The following NME8 variants were observed in gnomAD, a reference collection of about 807,000 sequenced individuals.
NME8 encodes the protein protein NME8.
NME8 carries 72 observed loss-of-function variants against 82.3 expected under a neutral mutation model. The observed-to-expected ratio is 0.87, with a 90% CI of 0.72 to 1.06. NME8 has a LOEUF of 1.06. NME8 is among the 50% of genes least tolerant of loss of function. NME8 has a pLI of 0.00. For missense variants in NME8, 712 were observed against 685.4 expected (o/e 1.04, Z -0.43); for synonymous variants, 267 against 228.5 (o/e 1.17, Z -1.52).
rs1530822 is a variant in NME8 at position 37,885,135 on chromosome 7, T to G, written c.1140-10T>G. 769,778 of 1,576,702 alleles carry G rather than the reference T, an allele frequency of 0.49. 192,122 individuals carry two copies. Among genetic ancestry groups the G allele is most frequent in the East Asian group, 0.74 (32,754 of 44,558 alleles). Reference sequence around the variant, plus strand: ...TCTTATTACCTCTTCTTTGTTTTCTTTTCTAATAGTGGTCCATCTCTAGCC... The same window carrying G: ...TCTTATTACCTCTTCTTTGTTTTCTGTTCTAATAGTGGTCCATCTCTAGCC... On this transcript the variant is annotated splice_polypyrimidine_tract_variant and intron_variant, in intron 13 of 17. Transcript: ENST00000199447.
intron 5 of NME8, among the ~76,000 whole-genome samples, chr7:37,854,200 C>A (rs1784477593): frequency 6.6e-6 from 1 of 152,092 alleles, no homozygotes; most frequent in East Asian, 1.9e-4. Flanking sequence ...ATACTATATT[C>A]TTGCAATAAA....
At chr7:37,872,407 AG>A (rs764181956) in intron 11 of NME8, among the ~76,000 whole-genome samples, 79 of 152,328 alleles carry the variant, frequency 5.2e-4, no homozygotes, top group Non-Finnish European at 1.0e-3. Context: ...TGGCAGCCAG[AG>A]AAAGGAAGGC....
At chr7:37,871,565 T>C (rs905063040) in intron 11 of NME8, among the ~76,000 whole-genome samples, 6 of 152,164 alleles carry the variant, frequency 3.9e-5, no homozygotes, top group African/African-American at 1.4e-4. Context: ...TATGTGTTGA[T>C]TCATTCATCT....
chr7:37,882,977 C>T (rs931813214), intron 12 of NME8, among the ~76,000 whole-genome samples: 3 of 152,122 alleles, frequency 2.0e-5, no homozygotes, highest in African/African-American at 7.2e-5. Flanking sequence ...AATATTTTTT[C>T]AATTTATCCG....
intron 14 of NME8, 34 bp from the exon 15 acceptor site, chr7:37,888,243 C>G: frequency 6.2e-7 from 1 of 1,606,644 alleles, no homozygotes. Context: ...CTGTTCTGTT[C>G]TAATAGCTTT....
At chr7:37,870,785 A>T (rs1309704810) in intron 11 of NME8, among the ~76,000 whole-genome samples, 1 of 151,830 alleles carries the variant, frequency 6.6e-6, no homozygotes, top group African/African-American at 2.4e-5. Context: ...TTCTCCAACT[A>T]ATATACTTTT....
At chr7:37,871,059 C>G (rs1356379540) in intron 11 of NME8, among the ~76,000 whole-genome samples, 1 of 152,214 alleles carries the variant, frequency 6.6e-6, no homozygotes, top group Non-Finnish European at 1.5e-5. Context: ...AGCCTGCTCA[C>G]TCTCCTCTCT....
chr7:37,891,918 A>G (rs1256938084), intron 15 of NME8, among the ~76,000 whole-genome samples: 1 of 150,938 alleles, frequency 6.6e-6, no homozygotes, highest in African/African-American at 2.4e-5. Context: ...CTACTTTCTT[A>G]TTTCTTGAGC....
chr7:37,885,307 CT>C (rs1319379961), intron 14 of NME8, 55 bp downstream of exon 14: 3 of 1,060,370 alleles, frequency 2.8e-6, no homozygotes, highest in African/African-American at 1.6e-5. Flanking sequence ...TTTTAAACAC[CT>C]TTTTAGATGT....
intron 16 of NME8, among the ~76,000 whole-genome samples, chr7:37,894,819 CCTTT>C (rs1365082141): frequency 1.3e-5 from 2 of 151,924 alleles, no homozygotes; most frequent in Non-Finnish European, 2.9e-5. Flanking sequence ...CTCCTCGCTC[CCTTT>C]CTTTCATTCT....
At position 37,867,878 on chromosome 7, in the gene NME8, G is replaced by T. The variant is rs1452505551; in HGVS notation, c.798G>T (p.Met266Ile). The change falls in exon 11 of 18, where the codon ATG (methionine) becomes ATT (isoleucine). Residue 266 changes from methionine (M) to isoleucine (I), a missense_variant. Physicochemically the swap from Met to Ile is conservative, Grantham distance 10 (BLOSUM62 1). Transcript: ENST00000199447. ...PEVEAQVTPG[M>I]MKNKQDSLQE... ...TCGAAGCCCAGGTTACACCTGGAAT[G>T]ATGAAGAACAAACAAGACAGGTATA... 6.2e-7 allele frequency: 1 copy of T among 1,613,566 alleles called. No individual in the cohort carries two copies. Among genetic ancestry groups the T allele is most frequent in the Non-Finnish European group, 8.5e-7 (1 of 1,179,752 alleles).
intron 15 of NME8, among the ~76,000 whole-genome samples, chr7:37,892,502 T>C (rs1012640135): frequency 6.6e-6 from 1 of 151,690 alleles, no homozygotes; most frequent in Non-Finnish European, 1.5e-5. Flanking sequence ...TATTTAATTA[T>C]ATACACAGAT....
chr7:37,862,473 C>T (rs371662318), intron 7 of NME8, among the ~76,000 whole-genome samples: 3 of 152,014 alleles, frequency 2.0e-5, no homozygotes, highest in Admixed American at 1.3e-4. Context: ...AGTTAGGAAC[C>T]TTTGTCCTTC....
intron 7 of NME8, among the ~76,000 whole-genome samples, chr7:37,862,896 G>C (rs1230659703): frequency 6.6e-6 from 1 of 152,120 alleles, no homozygotes; most frequent in Non-Finnish European, 1.5e-5. Context: ...AAGGAGGGCA[G>C]ATCACTTGAG....
chr7:37,861,212 C>A (rs755020073), intron 6 of NME8, among the ~76,000 whole-genome samples: 1 of 152,206 alleles, frequency 6.6e-6, no homozygotes, highest in Non-Finnish European at 1.5e-5. Context: ...CACCAGGCTG[C>A]GCACAGTTTG....
In NME8 at chr7:37,896,951, A is replaced by G. The variant is rs1785238286; in HGVS notation, c.1626A>G (p.Glu542=). 1 of 1,613,926 alleles carries G rather than the reference A, an allele frequency of 6.2e-7. No homozygotes were observed. The highest frequency in any genetic ancestry group is 1.1e-5 in the South Asian group (1 of 91,082). ...WRRLMGPTDP[E]EAKLLSPDSI... ...GATTGATGGGCCCAACAGACCCAGA[A>G]GAAGCAAAATTACTTTCCCCTGACT... The change falls in exon 17 of 18, where the codon GAA becomes GAG. Residue 542 remains glutamate, a synonymous_variant. Coordinates refer to ENST00000199447, the MANE Select transcript of NME8 (RefSeq NM_016616.5).
chr7:37,894,931 T>C (rs1199021782), intron 16 of NME8, among the ~76,000 whole-genome samples: 2 of 151,836 alleles, frequency 1.3e-5, no homozygotes, highest in East Asian at 3.9e-4. Flanking sequence ...CCTGTTTCTC[T>C]AGGTCTTCAC....
At chr7:37,873,009 C>G (rs1179463861) in intron 11 of NME8, among the ~76,000 whole-genome samples, 1 of 152,154 alleles carries the variant, frequency 6.6e-6, no homozygotes, top group Non-Finnish European at 1.5e-5. Flanking sequence ...CAGCCTCTTC[C>G]TCTGTATGAT....
At chr7:37,872,153 A>T (rs544055801) in intron 11 of NME8, among the ~76,000 whole-genome samples, 1 of 152,120 alleles carries the variant, frequency 6.6e-6, no homozygotes. Context: ...CTTCACTGAG[A>T]CTTCCTGACT....
Sources: gnomAD v4.1 joint callset for allele counts (sites outside exome capture counted in the v4.1 genomes callset) on GRCh38, gnomAD v4.1.1 for gene constraint, MANE v1.5 for transcripts, NCBI Gene and HGNC (gene_info 2026-07-23, HGNC 2026-07-21) for gene names.